The following SPTA1 variants were observed in gnomAD, a reference collection of about 807,000 sequenced individuals.
SPTA1 encodes the protein spectrin alpha, erythrocytic 1, also known as spectrin alpha chain, erythrocytic 1.
In SPTA1, 177 loss-of-function variants were observed where a neutral mutation model predicts 324.7. The observed-to-expected ratio is 0.55, with a 90% CI of 0.48 to 0.62. The LOEUF is 0.62. Among genes scored for constraint, SPTA1 ranks in the 20% least tolerant of loss-of-function variants. The probability of loss-of-function intolerance (pLI) is 0.00; values close to 1 mark genes in which losing one functional copy is unlikely to be tolerated. For missense variants in SPTA1, 3,162 were observed against 2,883.6 expected (o/e 1.10, Z -2.21); for synonymous variants, 1,195 against 1,041.3 (o/e 1.15, Z -2.84).
chr1:158,651,692 A>G (rs1050259006), intron 23 of SPTA1, among the ~76,000 whole-genome samples: 1 of 152,206 alleles, frequency 6.6e-6, no homozygotes, highest in African/African-American at 2.4e-5. Flanking sequence ...TATCTGTAGT[A>G]TGAAGCACAG....
chr1:158,638,191 C>A lies in SPTA1; in HGVS notation c.5031G>T (p.Gly1677=), dbSNP rs1374103315. Reference sequence around the variant, plus strand: ...TCACAATCTGATCAACGTTGAAAGTCCCGCTGGAGAGCAAATCTTCAGCCA... The same window carrying A: ...TCACAATCTGATCAACGTTGAAAGTACCGCTGGAGAGCAAATCTTCAGCCA... ...NTLAEDLLSS[G]TFNVDQIVKK... Residue 1677 remains glycine (G), a synonymous_variant, in exon 36 of 52, where the codon GGG becomes GGT. Transcript: ENST00000643759. The A allele has an allele frequency of 7.4e-6, 12 of 1,613,778 alleles. No homozygotes were observed. The highest frequency in any genetic ancestry group is 1.0e-5 in the Non-Finnish European group (12 of 1,179,960).
At chr1:158,656,401 T>G (rs150642166) in intron 20 of SPTA1, among the ~76,000 whole-genome samples, 163 bp downstream of exon 20, 103 of 152,370 alleles carry the variant, frequency 6.8e-4, no homozygotes, top group African/African-American at 2.4e-3. Context: ...TCCTTTGGAC[T>G]AAATTGTGGA....
intron 47 of SPTA1, among the ~76,000 whole-genome samples, chr1:158,616,699 C>G (rs1282887348): frequency 6.6e-6 from 1 of 152,146 alleles, no homozygotes; most frequent in Non-Finnish European, 1.5e-5. Context: ...AATAGTCTCC[C>G]TGTTATCTCC....
At chr1:158,677,080 T>C (rs1447911960) in intron 7 of SPTA1, among the ~76,000 whole-genome samples, 2 of 152,154 alleles carry the variant, frequency 1.3e-5, no homozygotes, top group Non-Finnish European at 2.9e-5. Flanking sequence ...GACTCCCCTG[T>C]GCACTCTCAG....
intron 35 of SPTA1, among the ~76,000 whole-genome samples, chr1:158,638,459 T>C (rs982839135): frequency 6.6e-6 from 1 of 152,178 alleles, no homozygotes; most frequent in African/African-American, 2.4e-5. Flanking sequence ...ACTCAAACTG[T>C]ACATTTAGCC....
intron 25 of SPTA1, among the ~76,000 whole-genome samples, chr1:158,649,224 T>C (rs560248865): frequency 6.6e-6 from 1 of 152,180 alleles, no homozygotes; most frequent in Non-Finnish European, 1.5e-5. Context: ...TACTGTCAGC[T>C]TCTAGTTGAG....
chr1:158,648,751 TCCTCCCACCCAC>T, intron 25 of SPTA1, 98 bp from the exon 26 acceptor site: 1 of 1,311,358 alleles, frequency 7.6e-7, no homozygotes, highest in Non-Finnish European at 1.1e-6. Flanking sequence ...CCACTCACCA[TCCTCCCACCCAC>T]CCCCCCACCC....
intron 51 of SPTA1, chr1:158,611,747 T>C (rs931176163): frequency 4.0e-6 from 1 of 253,052 alleles, no homozygotes; most frequent in African/African-American, 2.3e-5. Flanking sequence ...GCATGTTTTA[T>C]GAGTAAGGTA....
intron 40 of SPTA1, 30 bp downstream of exon 40, chr1:158,627,595 G>T (rs1320466820): frequency 6.2e-7 from 1 of 1,605,238 alleles, no homozygotes; most frequent in Non-Finnish European, 8.5e-7. Flanking sequence ...GAGAATGGAA[G>T]TTTGAGCTGG....
At chr1:158,618,551 T>C (rs1423708181) in intron 45 of SPTA1, among the ~76,000 whole-genome samples, 1 of 152,210 alleles carries the variant, frequency 6.6e-6, no homozygotes, top group Non-Finnish European at 1.5e-5. Context: ...TTCTAATATA[T>C]TACATCTTCT....
chr1:158,641,953 A>T (rs1363287473), intron 33 of SPTA1, among the ~76,000 whole-genome samples: 2 of 152,232 alleles, frequency 1.3e-5, no homozygotes, highest in East Asian at 3.8e-4. Context: ...AATGTGGCAC[A>T]TATACACCAT....
intron 43 of SPTA1, among the ~76,000 whole-genome samples, chr1:158,621,622 T>G (rs954763009): frequency 1.3e-5 from 2 of 152,212 alleles, no homozygotes; most frequent in African/African-American, 4.8e-5. Context: ...TGAAGGAGCT[T>G]CCTATATAGA....
At chr1:158,624,412 A>G (rs1335249856) in intron 42 of SPTA1, among the ~76,000 whole-genome samples, 6 of 152,212 alleles carry the variant, frequency 3.9e-5, no homozygotes, top group Non-Finnish European at 8.8e-5. Context: ...CCCTTGCATC[A>G]GTGTGCCCTG....
Position 158,677,737 on chromosome 1 carries a change from G to T in SPTA1, c.910C>A (p.His304Asn). The change falls in exon 7 of 52, where the codon CAC becomes AAC. Residue 304 changes from histidine to asparagine, a missense_variant. By Grantham distance (68) the His-to-Asn change is moderately conservative. Coordinates refer to ENST00000643759, the MANE Select transcript of SPTA1 (RefSeq NM_003126.4). ...TTTCTCTCAAGTCCCTTGTGACTGTGAAACAGTCCTTCAGAGGCAACAAGG... is the reference window on the plus strand; with the variant it reads ...TTTCTCTCAAGTCCCTTGTGACTGTTAAACAGTCCTTCAGAGGCAACAAGG... ...KDLVASEGLF[H>N]SHKGLERNLA... 1 of 1,613,662 alleles carries T rather than the reference G, an allele frequency of 6.2e-7. No individual in the cohort carries two copies. The highest frequency in any genetic ancestry group is 8.5e-7 in the Non-Finnish European group (1 of 1,179,756).
chr1:158,633,533 C>T (rs544141432), intron 39 of SPTA1, among the ~76,000 whole-genome samples: 11 of 151,456 alleles, frequency 7.3e-5, no homozygotes, highest in South Asian at 4.2e-4. Flanking sequence ...TGGTGGCAGC[C>T]GCCTGTAGTC....
At chr1:158,639,426 G>T (rs370225620) in intron 35 of SPTA1, 156 bp downstream of exon 35, 2 of 731,618 alleles carry the variant, frequency 2.7e-6, no homozygotes, top group African/African-American at 3.5e-5. Flanking sequence ...TGTCTTCACA[G>T]CCCGTTAATT....
rs1651677247 is a variant in SPTA1, at chr1:158,642,484, A to T, written c.4664T>A (p.Val1555Glu). 1 of 1,613,562 alleles carries T rather than the reference A, an allele frequency of 6.2e-7. No individual in the cohort carries two copies. Among genetic ancestry groups the T allele is most frequent in the South Asian group, 1.1e-5 (1 of 91,068 alleles). The change falls in exon 33 of 52, where the codon GTG becomes GAG. Residue 1555 changes from valine to glutamate, a missense_variant. Physicochemically the swap from Val to Glu is moderately radical, Grantham distance 121. Transcript: ENST00000643759. ...AHEVDGRSEQ[V>E]HGVINLGNSL... is the part of the protein sequence containing the mutation. ...GTTCCCCAGGTTGATGACGCCATGC[A>T]CCTGCTCAGATCGGCCATCGACTTC...
chr1:158,651,887 C>A (rs1426435330), intron 23 of SPTA1, among the ~76,000 whole-genome samples: 1 of 143,970 alleles, frequency 6.9e-6, no homozygotes, highest in Non-Finnish European at 1.5e-5. Flanking sequence ...AGTGCTCTCT[C>A]TCTCTCTCTC....
intron 7 of SPTA1, 49 bp from the exon 8 acceptor site, chr1:158,676,344 C>G: frequency 6.2e-7 from 1 of 1,606,814 alleles, no homozygotes; most frequent in East Asian, 2.2e-5. Context: ...ACTCTGACTC[C>G]CCCTGGCAAA....
Sources: gnomAD v4.1 joint callset for allele counts (sites outside exome capture counted in the v4.1 genomes callset) on GRCh38, gnomAD v4.1.1 for gene constraint, MANE v1.5 for transcripts, NCBI Gene and HGNC (gene_info 2026-07-23, HGNC 2026-07-21) for gene names.